The following GNE variants were observed in gnomAD, a reference collection of about 807,000 sequenced individuals.
GNE encodes the protein glucosamine (UDP-N-acetyl)-2-epimerase/N-acetylmannosamine kinase.
Under a neutral mutation model 61.8 loss-of-function variants are expected in GNE, and 41 were observed. The observed-to-expected ratio is 0.66, with a 90% CI of 0.52 to 0.86. GNE has a LOEUF of 0.86. Ranked by LOEUF, GNE falls within the 40% of genes least tolerant of loss-of-function variation. The pLI, the probability that GNE is intolerant of heterozygous loss-of-function variation, is 0.00. For missense variants in GNE, 608 were observed against 909.1 expected, an observed-to-expected ratio of 0.67 and a Z score of 4.26; for synonymous variants, 264 against 326.4, an observed-to-expected ratio of 0.81 and a Z score of 2.06.
chr9:36,231,081 A>AAG lies in GNE; in HGVS notation c.983-1974_983-1973insCT, dbSNP rs1554660477. Among the ~76,000 whole-genome samples the AAG allele has an allele frequency of 5.1e-4, 72 of 140,942 alleles. 1 individual carries two copies. Among genetic ancestry groups the AAG allele is most frequent in the African/African-American group, 1.9e-3 (69 of 37,046 alleles). 92.5% of individuals were successfully genotyped at this position (140,942 alleles called of 152,430 possible). Reference sequence around the variant, plus strand: ...ACTGCTTCACTAAAAAAAAAAAAAAAAAAGAAAGAAAGAGAGAGAGAGAAA... The same window carrying AAG: ...ACTGCTTCACTAAAAAAAAAAAAAAAAGAAAGAAAGAAAGAGAGAGAGAGAAA... On this transcript the variant is annotated intron_variant, in intron 5 of 11. Transcript: ENST00000642385.
chr9:36,238,461 T>C (rs1829498699), intron 3 of GNE, among the ~76,000 whole-genome samples: 1 of 152,228 alleles, frequency 6.6e-6, no homozygotes. Flanking sequence ...TAAGGCGGCA[T>C]CGCATTATGG....
chr9:36,238,071 T>TAC (rs145259913), intron 3 of GNE, among the ~76,000 whole-genome samples: 5 of 151,542 alleles, frequency 3.3e-5, no homozygotes, highest in African/African-American at 7.3e-5. Flanking sequence ...TATATATAGA[T>TAC]ACACACACAC....
chr9:36,246,471 C>T lies in GNE; in HGVS notation c.176G>A (p.Arg59Gln), dbSNP rs1829880006. Reference sequence around the variant, plus strand: ...GTCAAAGTCATCTTGTTCAATCATTCGATATGTATTTCTAAAGCCGGGGAG... The same window carrying T: ...GTCAAAGTCATCTTGTTCAATCATTTGATATGTATTTCTAAAGCCGGGGAG... ...HLIDDYGNTY[R>Q]MIEQDDFDIN... is the part of the protein sequence containing the mutation. Residue 59 changes from arginine to glutamine, a missense_variant, in exon 3 of 12, where the codon CGA (arginine) becomes CAA (glutamine). Physicochemically the swap from Arg to Gln is conservative, Grantham distance 43. Coordinates refer to ENST00000642385, the MANE Select transcript of GNE (RefSeq NM_005476.7). 6.2e-7 allele frequency: 1 copy of T among 1,611,342 alleles called. No homozygotes were observed. Among genetic ancestry groups the T allele is most frequent in the Non-Finnish European group, 8.5e-7 (1 of 1,178,162 alleles).
chr9:36,249,180 C>T lies in GNE; in HGVS notation c.164+12G>A. 6.2e-7 allele frequency: 1 copy of T among 1,605,606 alleles called. No homozygotes were observed. The highest frequency in any genetic ancestry group is 8.5e-7 in the Non-Finnish European group (1 of 1,172,258). On this transcript the variant is annotated intron_variant, in intron 2 of 11. Transcript: ENST00000642385. ...TGTTGCAATGAAGAATAAGAAAATG[C>T]TTTCATCTTACCCATAGTCATCTAT...
At chr9:36,256,348 G>A (rs886702614) in intron 1 of GNE, among the ~76,000 whole-genome samples, 2 of 143,892 alleles carry the variant, frequency 1.4e-5, no homozygotes, top group African/African-American at 5.2e-5. Context: ...GGGTTCAAGC[G>A]ATACTCCTAT....
rs773729410 is a variant in GNE, at chr9:36,236,865, G to A, written c.736C>T (p.Arg246Trp). ...TLDALISFNK[R>W]TLVLFPNIDA... is the part of the protein sequence containing the mutation. Reference sequence around the variant, plus strand: ...ATATTTGGAAACAGGACTAGGGTCCGCTTGTTAAATGAGATAAGTGCATCC... The same window carrying A: ...ATATTTGGAAACAGGACTAGGGTCCACTTGTTAAATGAGATAAGTGCATCC... The change falls in exon 4 of 12, where the codon CGG becomes TGG. Residue 246 changes from arginine to tryptophan, a missense_variant. Physicochemically the swap from Arg to Trp is moderately radical, Grantham distance 101. Transcript: ENST00000642385. 13 of 1,613,492 alleles carry A rather than the reference G, an allele frequency of 8.1e-6. No individual in the cohort carries two copies. Among genetic ancestry groups the A allele is most frequent in the Admixed American group, 3.3e-5 (2 of 60,000 alleles).
intron 1 of GNE, among the ~76,000 whole-genome samples, chr9:36,276,251 T>A (rs527732476): frequency 6.6e-6 from 1 of 152,346 alleles, no homozygotes; most frequent in South Asian, 2.1e-4. Flanking sequence ...TATATTTTAA[T>A]CACCTAATTG....
chr9:36,217,416 C>A lies in GNE; in HGVS notation c.2118G>T (p.Leu706=). The A allele has an allele frequency of 6.2e-7, 1 of 1,614,130 alleles. No homozygotes were observed. Among genetic ancestry groups the A allele is most frequent in the Non-Finnish European group, 8.5e-7 (1 of 1,179,998 alleles). Residue 706 remains leucine, a synonymous_variant, in exon 12 of 12, where the codon CTG becomes CTT. Coordinates refer to ENST00000642385, the MANE Select transcript of GNE (RefSeq NM_005476.7). Reference sequence around the variant, plus strand: ...CCAGAACCATGCTGGCAGCACCCAGCAGGGCGGGGTCAACCAAATCCGAAA... The same window carrying A: ...CCAGAACCATGCTGGCAGCACCCAGAAGGGCGGGGTCAACCAAATCCGAAA... The part of the protein sequence containing the change: ...VVVSDLVDPA[L]LGAASMVLDY...
chr9:36,218,087 T>TC lies in GNE; in HGVS notation c.1933+95dup. The stretch of plus-strand genomic sequence containing the variant: ...CTGAACAGACACTGCAAAGCACCTG[T>TC]CCCTAGGGAAGCAGGGTCTCTTCTG... On this transcript the variant is annotated intron_variant, in intron 11 of 11. Transcript: ENST00000642385. This position sits in a 1 kb window ranked among gnomAD's most constrained non-coding sequence, Gnocchi z 4.1. 4.8e-6 allele frequency: 4 copies of TC among 832,348 alleles called. No homozygotes were observed. Among genetic ancestry groups the TC allele is most frequent in the Non-Finnish European group, 8.5e-6 (4 of 468,968 alleles). The allele number at this position is 832,348 out of a possible 1,614,324, so 51.6% of individuals were successfully genotyped here.
chr9:36,249,352 C>A lies in GNE; in HGVS notation c.4G>T (p.Glu2Ter), dbSNP rs886044514. ...AGCTTTCGGTTATTTCCATTCTTCT[C>A]CATGATTTGCTTGTTTCGTTTTGAG... M[E>*]KNGNNRKLRV... The change falls in exon 2 of 12, where the codon GAG becomes TAG. Residue 2 changes from glutamate (E) to a stop codon, truncating the protein, a stop_gained. Transcript: ENST00000642385. LOFTEE classifies it high-confidence loss of function. The A allele has an allele frequency of 3.1e-6, 5 of 1,613,364 alleles. No individual in the cohort carries two copies. In the South Asian group the frequency reaches 4.4e-5, roughly 14 times the overall value.
intron 1 of GNE, among the ~76,000 whole-genome samples, chr9:36,252,397 G>C (rs965418067): frequency 6.6e-6 from 1 of 152,032 alleles, no homozygotes; most frequent in African/African-American, 2.4e-5. Flanking sequence ...AAAATTGTTG[G>C]TAATATTTAA....
intron 3 of GNE, among the ~76,000 whole-genome samples, chr9:36,242,515 T>A (rs1829677427): frequency 6.6e-6 from 1 of 151,170 alleles, no homozygotes; most frequent in Non-Finnish European, 1.5e-5. Flanking sequence ...GCCTCCTGGG[T>A]TTCATGCAAT....
intron 9 of GNE, among the ~76,000 whole-genome samples, chr9:36,222,035 T>C (rs1187617402): frequency 6.6e-6 from 1 of 152,136 alleles, no homozygotes; most frequent in Non-Finnish European, 1.5e-5. Context: ...GCCTGTCACC[T>C]CCCTGGAGGA....
At chr9:36,269,686 G>A (rs1830949312) in intron 1 of GNE, among the ~76,000 whole-genome samples, 1 of 134,162 alleles carries the variant, frequency 7.5e-6, no homozygotes, top group Non-Finnish European at 1.5e-5. Flanking sequence ...TTTTGAGACG[G>A]AGTCTCGCTC....
intron 1 of GNE, among the ~76,000 whole-genome samples, chr9:36,266,706 G>A (rs545478902): frequency 5.3e-5 from 8 of 152,264 alleles, no homozygotes; most frequent in Non-Finnish European, 1.0e-4. Context: ...TCAGGAGATC[G>A]AGACCATCCT....
chr9:36,228,407 A>T (rs1005302137), intron 6 of GNE, among the ~76,000 whole-genome samples: 9 of 152,146 alleles, frequency 5.9e-5, no homozygotes, highest in South Asian at 2.1e-4. Flanking sequence ...TAGACTTTTT[A>T]AAAAAAATCA....
In GNE at chr9:36,215,100, G is replaced by A. The variant is rs1362852551; in HGVS notation, c.*2265C>T. ...AGCACTTTGGGAGGCAGAGGCGGGC[G>A]GATCACCTGAGGTCAGGAGTTCAAG... On this transcript the variant is annotated 3_prime_UTR_variant, in exon 12 of 12. Coordinates refer to ENST00000642385, the MANE Select transcript of GNE (RefSeq NM_005476.7). The A allele has an allele frequency of 1.3e-5, 2 of 151,960 alleles. No individual in the cohort carries two copies. The highest frequency in any genetic ancestry group is 2.9e-5 in the Non-Finnish European group (2 of 67,986). 9.4% of individuals were successfully genotyped at this position (151,960 alleles called of 1,614,324 possible).
At chr9:36,265,438 A>G (rs762408940) in intron 1 of GNE, 2 of 456,702 alleles carry the variant, frequency 4.4e-6, no homozygotes, top group South Asian at 3.1e-5. Flanking sequence ...GAAGGGAGTC[A>G]AGGATGTTGC....
In GNE at chr9:36,218,260, T is replaced by C; in HGVS notation, c.1856A>G (p.Asp619Gly). The change falls in exon 11 of 12, where the codon GAT becomes GGT. Residue 619 changes from aspartate (D) to glycine (G), a missense_variant. Asp to Gly is a moderately conservative substitution (Grantham distance 94). Transcript: ENST00000642385. This position sits in a 1 kb window ranked among gnomAD's most constrained non-coding sequence, Gnocchi z 4.1. ...LLVEGMSVPKDEAVGALHLIQ... is the reference protein window; with the variant it reads ...LLVEGMSVPKGEAVGALHLIQ... ...GAGATGGAGCGCACCCACAGCCTCA[T>C]CTTTTGGCACTGACATCCCTTCCAC... The C allele has an allele frequency of 6.2e-7, 1 of 1,614,066 alleles. No homozygotes were observed. Among genetic ancestry groups the C allele is most frequent in the Non-Finnish European group, 8.5e-7 (1 of 1,179,986 alleles).
Sources: allele counts gnomAD v4.1 joint callset (sites outside exome capture counted in the v4.1 genomes callset), GRCh38; gene constraint gnomAD v4.1.1; non-coding constraint Gnocchi (gnomAD v3.1); transcripts MANE v1.5; gene names NCBI Gene and HGNC (gene_info 2026-07-23, HGNC 2026-07-21).